Variants in RHBDL3 observed in about 807,000 individuals in gnomAD.
The protein encoded by RHBDL3 is rhomboid like 3.
RHBDL3 carries 28 observed loss-of-function variants against 48.2 expected under a neutral mutation model. That is an observed-to-expected ratio of 0.58 (90% CI 0.43 to 0.80). The LOEUF (loss-of-function observed/expected upper bound fraction) is 0.80. Ranked by LOEUF, RHBDL3 falls within the 30% of genes least tolerant of loss-of-function variation. The pLI is 0.00. For missense variants in RHBDL3, 464 were observed against 542.7 expected (o/e 0.85, Z 1.44); for synonymous variants, 208 against 232.3 (o/e 0.90, Z 0.95).
At chr17:32,293,513 C>T (rs1180917082) in intron 4 of RHBDL3, among the ~76,000 whole-genome samples, 5 of 150,292 alleles carry the variant, frequency 3.3e-5, no homozygotes, top group East Asian at 3.9e-4. Context: ...ACCCGGGAGG[C>T]GGAGGTTGCA....
At position 32,266,027 on chromosome 17, in the gene RHBDL3, G is replaced by C. The variant is rs1449153193; in HGVS notation, c.-163G>C. ...GGTCGCGAGGAGGCGGCGGCGGCGC[G>C]GGGACCGGGGCCATGGGGGCGGGCG... On this transcript the variant is annotated 5_prime_UTR_variant, in exon 1 of 9. Coordinates refer to ENST00000269051, the MANE Select transcript of RHBDL3 (RefSeq NM_138328.3). 1 of 148,978 alleles carries C rather than the reference G, an allele frequency of 6.7e-6. No individual in the cohort carries two copies. Among genetic ancestry groups the C allele is most frequent in the Non-Finnish European group, 1.5e-5 (1 of 67,672 alleles). 9.2% of individuals were successfully genotyped at this position (148,978 alleles called of 1,614,324 possible). A position where few individuals can be genotyped will look rare whatever the true frequency, so the allele number is the denominator to read the frequency against.
chr17:32,268,012 C>T (rs1346703490), intron 2 of RHBDL3, 87 bp downstream of exon 2: 4 of 1,019,210 alleles, frequency 3.9e-6, no homozygotes, highest in South Asian at 3.8e-5. Flanking sequence ...TCCCTAGCTC[C>T]GCGCTCCTGA....
intron 7 of RHBDL3, among the ~76,000 whole-genome samples, chr17:32,311,050 C>T (rs2040837591): frequency 6.6e-6 from 1 of 152,190 alleles, no homozygotes. Flanking sequence ...ATATAGAAAG[C>T]TGTATTGGAA....
intron 7 of RHBDL3, among the ~76,000 whole-genome samples, chr17:32,309,191 T>A (rs148789008): frequency 0.44 from 53,097 of 120,050 alleles, 11,009 homozygotes; most frequent in Non-Finnish European, 0.53. Flanking sequence ...TGTGTGTGTG[T>A]GTGTGTGTGT....
At chr17:32,283,795 C>G (rs973424005) in intron 2 of RHBDL3, among the ~76,000 whole-genome samples, 1 of 152,178 alleles carries the variant, frequency 6.6e-6, no homozygotes, top group Non-Finnish European at 1.5e-5. Context: ...CGCGAGGCGC[C>G]GCGGTCCAAG....
chr17:32,315,894 G>C (rs1683213351), intron 7 of RHBDL3, among the ~76,000 whole-genome samples: 1 of 151,670 alleles, frequency 6.6e-6, no homozygotes, highest in South Asian at 2.1e-4. Flanking sequence ...TCTTGACTTT[G>C]CTTGGTTGGC....
At chr17:32,298,695 C>A (rs886745470) in intron 6 of RHBDL3, among the ~76,000 whole-genome samples, 1 of 152,232 alleles carries the variant, frequency 6.6e-6, no homozygotes, top group Non-Finnish European at 1.5e-5. Context: ...ACCCTGGCCA[C>A]GTAGCACCTG....
chr17:32,288,482 G>A (rs550753375), intron 3 of RHBDL3: 55 of 371,412 alleles, frequency 1.5e-4, no homozygotes, highest in South Asian at 4.2e-4. Context: ...GCCTTACTGA[G>A]TGTGAACTTG....
chr17:32,294,523 T>G, intron 5 of RHBDL3, 81 bp downstream of exon 5: 1 of 1,331,924 alleles, frequency 7.5e-7, no homozygotes, highest in Non-Finnish European at 1.0e-6. Flanking sequence ...TGAAATATAG[T>G]TTTTAGTTTA....
chr17:32,282,662 G>A (rs751536711), intron 2 of RHBDL3, among the ~76,000 whole-genome samples: 2 of 152,036 alleles, frequency 1.3e-5, no homozygotes, highest in Non-Finnish European at 2.9e-5. Flanking sequence ...TCACTCTGTA[G>A]CCCAGGCTGG....
chr17:32,277,067 A>G (rs1042524169), intron 2 of RHBDL3, among the ~76,000 whole-genome samples: 6 of 152,150 alleles, frequency 3.9e-5, no homozygotes, highest in African/African-American at 9.7e-5. Context: ...GGAGAAGACA[A>G]TGGGGATCCG....
At chr17:32,274,195 T>C (rs1337006484) in intron 2 of RHBDL3, among the ~76,000 whole-genome samples, 4 of 152,150 alleles carry the variant, frequency 2.6e-5, no homozygotes, top group Non-Finnish European at 5.9e-5. Context: ...CTGGGGAGTG[T>C]TGTGCATGGC....
chr17:32,268,591 T>A (rs1352768338), intron 2 of RHBDL3, among the ~76,000 whole-genome samples: 16 of 152,104 alleles, frequency 1.1e-4, no homozygotes, highest in African/African-American at 3.9e-4. Flanking sequence ...TGGGTGCTGT[T>A]ATGTGCTTCC....
intron 6 of RHBDL3, among the ~76,000 whole-genome samples, chr17:32,301,586 C>A (rs543470613): frequency 6.6e-6 from 1 of 151,774 alleles, no homozygotes; most frequent in Admixed American, 6.6e-5. Context: ...TTTGGGAGGC[C>A]GAGGCGAGCA....
chr17:32,295,877 A>G (rs1479152616), intron 5 of RHBDL3, among the ~76,000 whole-genome samples: 1 of 152,206 alleles, frequency 6.6e-6, no homozygotes, highest in Non-Finnish European at 1.5e-5. Flanking sequence ...CCACAATTTT[A>G]GCAGCAAGAT....
At chr17:32,288,461 C>T (rs1435075562) in intron 3 of RHBDL3, 12 of 314,770 alleles carry the variant, frequency 3.8e-5, no homozygotes, top group Admixed American at 2.7e-4. Flanking sequence ...AACACAAATA[C>T]GGGCTCTGGA....
intron 2 of RHBDL3, among the ~76,000 whole-genome samples, chr17:32,275,250 G>A (rs1460699656): frequency 2.0e-5 from 3 of 152,178 alleles, no homozygotes; most frequent in African/African-American, 7.2e-5. Context: ...GTCCCCAGGC[G>A]GCGCGTCAGG....
intron 7 of RHBDL3, among the ~76,000 whole-genome samples, chr17:32,315,243 A>G (rs7224683): frequency 0.64 from 98,145 of 152,178 alleles, 33,239 homozygotes; most frequent in African/African-American, 0.82. Context: ...TGGTGGGAGG[A>G]AACCAAAGTC....
intron 6 of RHBDL3, among the ~76,000 whole-genome samples, chr17:32,303,456 C>T (rs948079374): frequency 6.6e-6 from 1 of 152,144 alleles, no homozygotes; most frequent in Admixed American, 6.5e-5. Flanking sequence ...TTGTTTGCCA[C>T]CCTGGGATTT....
Sources: gnomAD v4.1 joint callset for allele counts (sites outside exome capture counted in the v4.1 genomes callset) on GRCh38, gnomAD v4.1.1 for gene constraint, MANE v1.5 for transcripts, NCBI Gene and HGNC (gene_info 2026-07-23, HGNC 2026-07-21) for gene names.